The following PODXL2 variants were observed in gnomAD, a reference collection of about 807,000 sequenced individuals.
The protein encoded by PODXL2 is podocalyxin like 2, also known as podocalyxin-like protein 2.
Under a neutral mutation model 53.4 loss-of-function variants are expected in PODXL2, and 17 were observed. That is an observed-to-expected ratio of 0.32 (90% confidence interval 0.22 to 0.48). PODXL2 has a LOEUF of 0.48. Ranked by LOEUF, PODXL2 falls within the 20% of genes least tolerant of loss-of-function variation. The pLI is 0.99. For missense variants in PODXL2, 673 were observed against 760.0 expected, an observed-to-expected ratio of 0.89 and a Z score of 1.35; for synonymous variants, 311 against 306.7, an observed-to-expected ratio of 1.01 and a Z score of -0.15.
intron 4 of PODXL2, among the ~76,000 whole-genome samples, chr3:127,667,810 T>C (rs1462766830): frequency 1.3e-5 from 2 of 152,200 alleles, no homozygotes; most frequent in African/African-American, 4.8e-5. Context: ...GTGTTTGCTC[T>C]TCTGGCCTCC....
At chr3:127,630,349 CTCA>C (rs1486847968) in intron 1 of PODXL2, among the ~76,000 whole-genome samples, 1 of 152,222 alleles carries the variant, frequency 6.6e-6, no homozygotes, top group Non-Finnish European at 1.5e-5. Flanking sequence ...CCTGTGCACA[CTCA>C]TCAGCCAGCT....
At chr3:127,644,916 T>G (rs2074643752) in intron 2 of PODXL2, among the ~76,000 whole-genome samples, 1 of 152,154 alleles carries the variant, frequency 6.6e-6, no homozygotes, top group Admixed American at 6.5e-5. Context: ...TGTCCCTCAT[T>G]GCTCCTCTCT....
In PODXL2 at chr3:127,672,435, G is replaced by A; in HGVS notation, c.1773G>A (p.Arg591=). 6.5e-7 allele frequency: 1 copy of A among 1,539,130 alleles called. No homozygotes were observed. The highest frequency in any genetic ancestry group is 8.7e-7 in the Non-Finnish European group (1 of 1,144,708). ...GGGGGGCGCTCATGGGGGGCAAGCG[G>A]GACCCCGAGGACTCGGACGTGTTCG... The part of the protein sequence containing the change: ...GSWGALMGGK[R]DPEDSDVFEE... The change falls in exon 8 of 8, where the codon CGG becomes CGA. Residue 591 remains arginine (R), a synonymous_variant. Transcript: ENST00000342480.
chr3:127,638,136 C>CT (rs2074589890), intron 1 of PODXL2, among the ~76,000 whole-genome samples: 1 of 152,162 alleles, frequency 6.6e-6, no homozygotes, highest in Non-Finnish European at 1.5e-5. Flanking sequence ...ACCCAGAGGT[C>CT]TTGAGCAGCT....
intron 5 of PODXL2, 61 bp downstream of exon 5, chr3:127,668,658 G>A: frequency 7.1e-7 from 1 of 1,412,324 alleles, no homozygotes; most frequent in Non-Finnish European, 9.3e-7. Context: ...CGGCCCCTGA[G>A]GGTCACGGGA....
At chr3:127,634,931 G>A (rs921837977) in intron 1 of PODXL2, among the ~76,000 whole-genome samples, 3 of 152,132 alleles carry the variant, frequency 2.0e-5, no homozygotes, top group Admixed American at 6.6e-5. Context: ...GTTCGTAAAA[G>A]AGCTCTCTTT....
chr3:127,631,940 C>G (rs1446693278), intron 1 of PODXL2, among the ~76,000 whole-genome samples: 1 of 152,130 alleles, frequency 6.6e-6, no homozygotes, highest in Non-Finnish European at 1.5e-5. Flanking sequence ...AAATCTTTGC[C>G]AATTCCTATT....
chr3:127,658,274 T>G (rs1453336442), intron 2 of PODXL2, among the ~76,000 whole-genome samples: 1 of 152,202 alleles, frequency 6.6e-6, no homozygotes, highest in Non-Finnish European at 1.5e-5. Context: ...ATTTTTCTTT[T>G]TGAAATAATC....
chr3:127,642,569 T>C (rs1024981026), intron 2 of PODXL2, among the ~76,000 whole-genome samples: 19 of 151,264 alleles, frequency 1.3e-4, no homozygotes, highest in African/African-American at 4.4e-4. Context: ...TGGCCAGATA[T>C]GGGAGGAGAC....
intron 2 of PODXL2, among the ~76,000 whole-genome samples, chr3:127,645,017 C>A (rs1177771599): frequency 6.6e-6 from 1 of 152,238 alleles, no homozygotes; most frequent in Non-Finnish European, 1.5e-5. Flanking sequence ...AGTTGCCCAT[C>A]TTCTTCTCAA....
In PODXL2 at chr3:127,629,514, C is replaced by T. The variant is rs1374747437; in HGVS notation, c.70+225C>T. ...CGGGCGACCCCCGACAAAGGCGCGG[C>T]GGTGAAGCTGGGACACAGCACCGTG... On this transcript the variant is annotated intron_variant, in intron 1 of 7. Coordinates refer to ENST00000342480, the MANE Select transcript of PODXL2 (RefSeq NM_015720.4). This position sits in a 1 kb window ranked among gnomAD's most constrained non-coding sequence, Gnocchi z 6.4. Among the ~76,000 whole-genome samples the T allele has an allele frequency of 6.6e-6, 1 of 151,046 alleles. No homozygotes were observed. The highest frequency in any genetic ancestry group is 1.5e-5 in the Non-Finnish European group (1 of 67,674).
rs116586627 is a variant in PODXL2 at position 127,656,154 on chromosome 3, A to G, written c.350-4224A>G. Among the ~76,000 whole-genome samples the G allele has an allele frequency of 3.3e-3, 507 of 152,378 alleles. 2 individuals carry two copies. Among genetic ancestry groups the G allele is most frequent in the African/African-American group, 8.6e-3 (358 of 41,596 alleles). Reference sequence around the variant, plus strand: ...TTTGTAATCTAGTGAATCCTATTTTATTCTTACTTAAGACACTAGAGTTGT... The same window carrying G: ...TTTGTAATCTAGTGAATCCTATTTTGTTCTTACTTAAGACACTAGAGTTGT... On this transcript the variant is annotated intron_variant, in intron 2 of 7. Coordinates refer to ENST00000342480, the MANE Select transcript of PODXL2 (RefSeq NM_015720.4).
At position 127,661,157 on chromosome 3, in the gene PODXL2, C is replaced by A. The variant is rs766770087; in HGVS notation, c.1129C>A (p.Gln377Lys). ...ATCCAGGATACCCTGGGATTCTACGCAGGTAAAGTGAGGGGCATGCGGGCC... is the reference window on the plus strand; with the variant it reads ...ATCCAGGATACCCTGGGATTCTACGAAGGTAAAGTGAGGGGCATGCGGGCC... Reference protein sequence around the residue: ...AQSRIPWDSTQVICKDWSNLA... With the variant: ...AQSRIPWDSTKVICKDWSNLA... The change falls in exon 3 of 8, where the codon CAG (glutamine) becomes AAG (lysine). Residue 377 changes from glutamine to lysine, a missense_variant and splice_region_variant. Around this residue, in one of 3 missense-constraint regions of PODXL2, gnomAD observed 588 missense variants for 668.3 expected, o/e 0.88. Transcript: ENST00000342480. 1.7e-5 allele frequency: 28 copies of A among 1,612,258 alleles called. No homozygotes were observed. The highest frequency in any genetic ancestry group is 5.0e-5 in the Admixed American group (3 of 59,974).
intron 6 of PODXL2, 127 bp downstream of exon 6, chr3:127,669,329 C>A: frequency 1.5e-6 from 1 of 659,846 alleles, no homozygotes; most frequent in Non-Finnish European, 2.6e-6. Flanking sequence ...GTGCTCTGGG[C>A]AGGTTCCTTG....
chr3:127,662,396 G>A, intron 4 of PODXL2, 85 bp downstream of exon 4: 1 of 1,026,702 alleles, frequency 9.7e-7, no homozygotes, highest in Admixed American at 2.0e-5. Context: ...GGGGGGACAA[G>A]CAGTGCGTGG....
chr3:127,651,123 A>T (rs2074686410), intron 2 of PODXL2, among the ~76,000 whole-genome samples: 1 of 152,100 alleles, frequency 6.6e-6, no homozygotes, highest in Non-Finnish European at 1.5e-5. Flanking sequence ...AATTAGCCAG[A>T]TGTGGTTGCG....
intron 4 of PODXL2, among the ~76,000 whole-genome samples, chr3:127,667,993 G>A (rs2074804599): frequency 1.3e-5 from 2 of 152,182 alleles, no homozygotes; most frequent in African/African-American, 4.8e-5. Context: ...CCGCCCATGT[G>A]TTCATCCCCA....
chr3:127,661,181 C>T, intron 3 of PODXL2, 22 bp downstream of exon 3: 3 of 1,568,828 alleles, frequency 1.9e-6, no homozygotes, highest in Non-Finnish European at 1.8e-6. Context: ...GGCATGCGGG[C>T]CACCACCCTG....
intron 1 of PODXL2, among the ~76,000 whole-genome samples, chr3:127,632,933 A>T (rs2074555806): frequency 1.3e-5 from 2 of 152,214 alleles, no homozygotes; most frequent in Admixed American, 1.3e-4. Flanking sequence ...GTTCAATTAT[A>T]ATTGGATCAC....
Sources: gnomAD v4.1 joint callset for allele counts (sites outside exome capture counted in the v4.1 genomes callset) on GRCh38, gnomAD v4.1.1 for gene constraint, gnomAD v4.1.1 regional missense constraint, Gnocchi (gnomAD v3.1) non-coding constraint, MANE v1.5 for transcripts, NCBI Gene and HGNC (gene_info 2026-07-23, HGNC 2026-07-21) for gene names.